Variants in NEMF observed in about 807,000 individuals in gnomAD.
NEMF encodes nuclear export mediator factor.
In NEMF, 89 loss-of-function variants were observed where a neutral mutation model predicts 162.2. The ratio of observed to expected loss-of-function variants is 0.55; its 90% CI spans 0.46 to 0.65. The LOEUF (loss-of-function observed/expected upper bound fraction) is 0.65, where lower values mean the gene tolerates loss of function less well. Among genes scored for constraint, NEMF ranks in the 30% least tolerant of loss-of-function variants. The pLI is 0.00. For synonymous variants in NEMF, 421 were observed against 404.5 expected (o/e 1.04, Z -0.49); for missense variants, 1,133 against 1,261.9 (o/e 0.90, Z 1.55).
intron 4 of NEMF, 135 bp downstream of exon 4, chr14:49,846,004 GT>G (rs1179819878): frequency 1.5e-6 from 1 of 650,084 alleles, no homozygotes; most frequent in East Asian, 2.8e-5. Flanking sequence ...TATTTTATTT[GT>G]GTGGCACCCA....
In NEMF at chr14:49,829,300, G is replaced by A. The variant is rs371564329; in HGVS notation, c.1024-38C>T. 2.0e-4 allele frequency: 316 copies of A among 1,612,768 alleles called. No homozygotes were observed. The African/African-American group carries it at 3.7e-3, about 19-fold the overall frequency. ...ACCACACACATTTACTACATTGCCA[G>A]TTAAAGTTAACATTTTTGAAAAAGC... On this transcript the variant is annotated intron_variant, in intron 12 of 32. Transcript: ENST00000298310.
chr14:49,837,390 G>A (rs1429710514), intron 6 of NEMF, among the ~76,000 whole-genome samples: 3 of 152,052 alleles, frequency 2.0e-5, no homozygotes, highest in East Asian at 1.9e-4. Context: ...GGTGGCTCAC[G>A]TCTATAATCC....
chr14:49,828,461 A>G, intron 14 of NEMF, 107 bp from the exon 15 acceptor site: 1 of 964,968 alleles, frequency 1.0e-6, no homozygotes, highest in East Asian at 2.7e-5. Context: ...AAATCAGAAC[A>G]AACTGTATAA....
At chr14:49,788,818 A>G (rs1205064870) in intron 28 of NEMF, among the ~76,000 whole-genome samples, 1 of 152,026 alleles carries the variant, frequency 6.6e-6, no homozygotes, top group African/African-American at 2.4e-5. Context: ...TGGCCTCTCA[A>G]AGTGCTGGGA....
rs574111710 is a variant in NEMF, at chr14:49,811,606, G to A, written c.1744+2382C>T. Among the ~76,000 whole-genome samples, 19 of 152,282 alleles carry A rather than the reference G, an allele frequency of 1.2e-4. No homozygotes were observed. The South Asian group carries it at 3.7e-3, about 30-fold the overall frequency. On this transcript the variant is annotated intron_variant, in intron 18 of 32. Transcript: ENST00000298310. Reference sequence around the variant, plus strand: ...TTCATAAATGCTTGTTTACCAAGTTGAGGAATATCCCTTCTATTCCTAGTT... The same window carrying A: ...TTCATAAATGCTTGTTTACCAAGTTAAGGAATATCCCTTCTATTCCTAGTT...
intron 11 of NEMF, among the ~76,000 whole-genome samples, chr14:49,830,117 C>T (rs1594784315): frequency 6.6e-6 from 1 of 152,154 alleles, no homozygotes; most frequent in East Asian, 1.9e-4. Flanking sequence ...CTAGTAATAT[C>T]ATCAATTAAT....
In NEMF at chr14:49,793,187, C is replaced by A. The variant is rs1323533839; in HGVS notation, c.2619+2604G>T. Among the ~76,000 whole-genome samples, 7 of 151,932 alleles carry A rather than the reference C, an allele frequency of 4.6e-5. No homozygotes were observed. In the East Asian group the frequency reaches 1.3e-3, roughly 29 times the overall value. Reference sequence around the variant, plus strand: ...ACTTCTATGAAACATTATATTTTTGCTTTTCAGTCACTGCAAAAAAAAACA... The same window carrying A: ...ACTTCTATGAAACATTATATTTTTGATTTTCAGTCACTGCAAAAAAAAACA... On this transcript the variant is annotated intron_variant, in intron 26 of 32. Coordinates refer to ENST00000298310, the MANE Select transcript of NEMF (RefSeq NM_004713.6).
Position 49,795,912 on chromosome 14 carries a change from G to C in NEMF, c.2498C>G (p.Ser833Ter). 1 of 1,605,360 alleles carries C rather than the reference G, an allele frequency of 6.2e-7. No individual in the cohort carries two copies. Among genetic ancestry groups the C allele is most frequent in the Non-Finnish European group, 8.5e-7 (1 of 1,177,404 alleles). The change falls in exon 26 of 33, where the codon TCA becomes TGA. Residue 833 changes from serine (S) to a stop codon, truncating the protein, a stop_gained. Coordinates refer to ENST00000298310, the MANE Select transcript of NEMF (RefSeq NM_004713.6). LOFTEE classifies it high-confidence loss of function. ...EMKKKKLPSD[S>*]GDLEALEGKD... is the part of the protein sequence containing the mutation. ...TCCCTCTAACGCTTCTAAATCTCCT[G>C]AGTCACTTGGAAGTTTTTTCTTTTT...
intron 15 of NEMF, among the ~76,000 whole-genome samples, chr14:49,827,030 A>G (rs111346560): frequency 1.3e-3 from 195 of 152,252 alleles, no homozygotes; most frequent in African/African-American, 4.5e-3. Context: ...CTAAGATCCC[A>G]GTGTAGCCAG....
intron 4 of NEMF, 160 bp downstream of exon 4, chr14:49,845,980 T>A: frequency 1.7e-6 from 1 of 582,158 alleles, no homozygotes; most frequent in South Asian, 2.7e-5. Flanking sequence ...ATGAAGGTTA[T>A]TACTGGAAAA....
intron 26 of NEMF, among the ~76,000 whole-genome samples, chr14:49,791,746 A>G (rs1890462808): frequency 6.6e-6 from 1 of 151,444 alleles, no homozygotes; most frequent in Non-Finnish European, 1.5e-5. Flanking sequence ...AAAAAAAAAA[A>G]AAAAAAAAAA....
rs902048384 is a variant in NEMF, at chr14:49,783,825, ATTAC to A, written c.*807_*810del. On this transcript the variant is annotated 3_prime_UTR_variant, in exon 33 of 33. Coordinates refer to ENST00000298310, the MANE Select transcript of NEMF (RefSeq NM_004713.6). ...ATGATTAAGCTGAGTCATGAGAATT[ATTAC>A]TTATATTTTACATTTTGGTCTAATA... 1 of 152,296 alleles carries A rather than the reference ATTAC, an allele frequency of 6.6e-6. No homozygotes were observed. Among genetic ancestry groups the A allele is most frequent in the African/African-American group, 2.4e-5 (1 of 41,570 alleles). 9.4% of individuals were successfully genotyped at this position (152,296 alleles called of 1,614,324 possible). A position where few individuals can be genotyped will look rare whatever the true frequency, so the allele number is the denominator to read the frequency against.
intron 29 of NEMF, chr14:49,786,265 A>C (rs1410743920): frequency 6.1e-6 from 1 of 162,750 alleles, no homozygotes; most frequent in African/African-American, 2.4e-5. Flanking sequence ...ACCCTGGGCT[A>C]GAACAGCCTT....
In NEMF at chr14:49,782,258, G is replaced by C. The variant is rs902137901; in HGVS notation, c.*2378C>G. On this transcript the variant is annotated 3_prime_UTR_variant, in exon 33 of 33. Coordinates refer to ENST00000298310, the MANE Select transcript of NEMF (RefSeq NM_004713.6). The stretch of plus-strand genomic sequence containing the variant: ...ATTTTACTTCTCGCCATGATGTTTT[G>C]GTCTGAACTACCTTAAGATCGCTAG... 11 of 609,892 alleles carry C rather than the reference G, an allele frequency of 1.8e-5. No individual in the cohort carries two copies. Among genetic ancestry groups the C allele is most frequent in the Admixed American group, 6.3e-5 (2 of 31,936 alleles). 37.8% of individuals were successfully genotyped at this position (609,892 alleles called of 1,614,324 possible).
Position 49,800,657 on chromosome 14 carries a change from T to A in NEMF, c.2135A>T (p.His712Leu). 1 of 1,614,064 alleles carries A rather than the reference T, an allele frequency of 6.2e-7. No homozygotes were observed. Among genetic ancestry groups the A allele is most frequent in the Non-Finnish European group, 8.5e-7 (1 of 1,179,990 alleles). The change falls in exon 23 of 33, where the codon CAT (histidine) becomes CTT (leucine). Residue 712 changes from histidine (H) to leucine (L), a missense_variant. By Grantham distance (99) the His-to-Leu change is moderately conservative. Coordinates refer to ENST00000298310, the MANE Select transcript of NEMF (RefSeq NM_004713.6). Reference protein sequence around the residue: ...DTSSDEDKEEHETPVEVELMT... With the variant: ...DTSSDEDKEELETPVEVELMT... ...GAGTTCTACTTCCACAGGAGTTTCATGTTCTTCTTTATCCTCATCACTGCT... is the reference window on the plus strand; with the variant it reads ...GAGTTCTACTTCCACAGGAGTTTCAAGTTCTTCTTTATCCTCATCACTGCT...
intron 6 of NEMF, among the ~76,000 whole-genome samples, chr14:49,836,742 T>TGATGG (rs1892925531): frequency 6.6e-6 from 1 of 152,144 alleles, no homozygotes; most frequent in Non-Finnish European, 1.5e-5. Flanking sequence ...ATCCCTTATG[T>TGATGG]GATGTGTTGG....
At chr14:49,843,075 C>G (rs1893295953) in intron 4 of NEMF, among the ~76,000 whole-genome samples, 1 of 151,856 alleles carries the variant, frequency 6.6e-6, no homozygotes, top group Non-Finnish European at 1.5e-5. Context: ...ACATTTACTA[C>G]ACAAATAATC....
intron 16 of NEMF, among the ~76,000 whole-genome samples, chr14:49,822,857 T>C (rs532391395): frequency 3.3e-5 from 5 of 151,748 alleles, no homozygotes; most frequent in African/African-American, 9.7e-5. Context: ...TATCAGTATG[T>C]GTGGTGTGGT....
chr14:49,828,540 A>C, intron 14 of NEMF, 76 bp downstream of exon 14: 2 of 1,293,182 alleles, frequency 1.5e-6, no homozygotes, highest in Non-Finnish European at 2.1e-6. Flanking sequence ...GAAATTTAAA[A>C]TTTTTTAAAA....
Sources: allele counts gnomAD v4.1 joint callset (sites outside exome capture counted in the v4.1 genomes callset), GRCh38; gene constraint gnomAD v4.1.1; transcripts MANE v1.5; gene names NCBI Gene and HGNC (gene_info 2026-07-23, HGNC 2026-07-21).